Variants in FJX1 observed in about 807,000 individuals in gnomAD.
FJX1 encodes the protein four-jointed box kinase 1, also known as four-jointed box protein 1.
A neutral mutation model predicts 28.7 loss-of-function variants in FJX1; 21 were observed. The ratio of observed to expected loss-of-function variants is 0.73; its 90% CI spans 0.52 to 1.05. The LOEUF (loss-of-function observed/expected upper bound fraction) is 1.05, where lower values mean the gene tolerates loss of function less well. FJX1 is among the 50% of genes least tolerant of loss of function. FJX1 has a pLI of 0.00. For missense variants in FJX1, 683 were observed against 647.2 expected (o/e 1.06, Z -0.60); for synonymous variants, 363 against 310.0 (o/e 1.17, Z -1.80).
rs778474284 is a variant in FJX1 at position 35,619,499 on chromosome 11, A to T, written c.863A>T (p.Gln288Leu). ...CAGGCGGAGCTGGTGGACCTAGTAC[A>T]ATGGACCGACTTAATCCTTTTCGAC... is the stretch of plus-strand genomic sequence containing the variant. The part of the protein sequence containing the change: ...LSQAELVDLV[Q>L]WTDLILFDYL... Residue 288 changes from glutamine to leucine, a missense_variant, in exon 1 of 1, where the codon CAA (glutamine) becomes CTA (leucine). Physicochemically the swap from Gln to Leu is moderately radical, Grantham distance 113 (BLOSUM62 -2). Transcript: ENST00000317811. This position sits in a 1 kb window ranked among gnomAD's most constrained non-coding sequence, Gnocchi z 7.6. 6.3e-7 allele frequency: 1 copy of T among 1,599,520 alleles called. No homozygotes were observed. The highest frequency in any genetic ancestry group is 2.2e-5 in the East Asian group (1 of 44,850).
chr11:35,619,374 G>A lies in FJX1; in HGVS notation c.738G>A (p.Leu246=), dbSNP rs751352263. The change falls in exon 1 of 1, where the codon CTG becomes CTA. Residue 246 remains leucine, a synonymous_variant. Coordinates refer to ENST00000317811, the MANE Select transcript of FJX1 (RefSeq NM_014344.4). This position sits in a 1 kb window ranked among gnomAD's most constrained non-coding sequence, Gnocchi z 7.6. ...GCGTGGTGAGCCTGACACGCTGGCT[G>A]CCCAACCTCACGGACGTGGTGGTGC... is the stretch of plus-strand genomic sequence containing the variant. ...EGSVVSLTRW[L]PNLTDVVVPA... is the part of the protein sequence containing the mutation. 7 of 1,591,354 alleles carry A rather than the reference G, an allele frequency of 4.4e-6. No homozygotes were observed. The African/African-American group carries it at 8.0e-5, about 18-fold the overall frequency.
rs532198178 is a variant in FJX1, at chr11:35,619,028, A to G, written c.392A>G (p.Gln131Arg). The G allele has an allele frequency of 1.0e-3, 1,507 of 1,467,680 alleles. 16 individuals carry two copies. In the African/African-American group the frequency reaches 0.021, roughly 20 times the overall value. The allele number at this position is 1,467,680 out of a possible 1,614,324, so 90.9% of individuals were successfully genotyped here. ...GVFWSRGLEE[Q>R]VPPGFSEAQA... ...TTCTGGAGCCGCGGCCTGGAGGAGC[A>G]GGTGCCCCCGGGCTTTTCGGAGGCC... The change falls in exon 1 of 1, where the codon CAG becomes CGG. Residue 131 changes from glutamine (Q) to arginine (R), a missense_variant. Coordinates refer to ENST00000317811, the MANE Select transcript of FJX1 (RefSeq NM_014344.4). The surrounding 1 kb of genome is among the most constrained non-coding windows in gnomAD (Gnocchi z 7.6).
chr11:35,618,712 T>C lies in FJX1; in HGVS notation c.76T>C (p.Trp26Arg). The C allele has an allele frequency of 5.6e-6, 7 of 1,250,486 alleles. No individual in the cohort carries two copies. Among genetic ancestry groups the C allele is most frequent in the Non-Finnish European group, 7.1e-6 (7 of 985,502 alleles). The allele number at this position is 1,250,486 out of a possible 1,614,324, so 77.5% of individuals were successfully genotyped here. Residue 26 changes from tryptophan (W) to arginine (R), a missense_variant, in exon 1 of 1, where the codon TGG (tryptophan) becomes CGG (arginine). By Grantham distance (101) the Trp-to-Arg change is moderately radical. Transcript: ENST00000317811. This position sits in a 1 kb window ranked among gnomAD's most constrained non-coding sequence, Gnocchi z 4.2. ...LLALGSLLAL[W>R]GGLLPPRTEL... ...GGCGCTGGGCTCGCTGCTGGCGCTG[T>C]GGGGAGGGCTCCTGCCGCCGCGGAC...
chr11:35,619,548 G>A lies in FJX1; in HGVS notation c.912G>A (p.Arg304=), dbSNP rs1262244837. ...ACTACCTGACGGCCAACTTCGACCG[G>A]CTCGTAAGCAACCTCTTCAGCCTGC... ...LFDYLTANFD[R]LVSNLFSLQW... The change falls in exon 1 of 1, where the codon CGG becomes CGA. Residue 304 remains arginine (R), a synonymous_variant. Coordinates refer to ENST00000317811, the MANE Select transcript of FJX1 (RefSeq NM_014344.4). The surrounding 1 kb of genome is among the most constrained non-coding windows in gnomAD (Gnocchi z 7.6). 1 of 1,601,704 alleles carries A rather than the reference G, an allele frequency of 6.2e-7. No individual in the cohort carries two copies. Among genetic ancestry groups the A allele is most frequent in the East Asian group, 2.2e-5 (1 of 44,870 alleles).
rs1025513674 is a variant in FJX1, at chr11:35,620,112, A to T, written c.*162A>T. 2 of 1,089,186 alleles carry T rather than the reference A, an allele frequency of 1.8e-6. No homozygotes were observed. Among genetic ancestry groups the T allele is most frequent in the Non-Finnish European group, 2.6e-6 (2 of 762,176 alleles). 67.5% of individuals were successfully genotyped at this position (1,089,186 alleles called of 1,614,324 possible). ...CCACCTGCCCCTTTCTTTCAATCCC[A>T]CGCTGTTTCCTTTCAAAGTTCTGGG... On this transcript the variant is annotated 3_prime_UTR_variant, in exon 1 of 1. Coordinates refer to ENST00000317811, the MANE Select transcript of FJX1 (RefSeq NM_014344.4).
Position 35,619,032 on chromosome 11 carries a change from G to GC in FJX1, c.401dup (p.Phe136LeufsTer139). 6.8e-7 allele frequency: 1 copy of GC among 1,464,604 alleles called. No individual in the cohort carries two copies. The allele number at this position is 1,464,604 out of a possible 1,614,324, so 90.7% of individuals were successfully genotyped here. A position where few individuals can be genotyped will look rare whatever the true frequency, so the allele number is the denominator to read the frequency against. ...GGAGCCGCGGCCTGGAGGAGCAGGTGCCCCCGGGCTTTTCGGAGGCCCAGG... is the reference window on the plus strand; with the variant it reads ...GGAGCCGCGGCCTGGAGGAGCAGGTGCCCCCCGGGCTTTTCGGAGGCCCAGG... On this transcript the variant is annotated frameshift_variant, in exon 1 of 1. Transcript: ENST00000317811. LOFTEE classifies it high-confidence loss of function. This position sits in a 1 kb window ranked among gnomAD's most constrained non-coding sequence, Gnocchi z 7.6.
At position 35,618,805 on chromosome 11, in the gene FJX1, G is replaced by A; in HGVS notation, c.169G>A (p.Ala57Thr). Residue 57 changes from alanine (A) to threonine (T), a missense_variant, in exon 1 of 1, where the codon GCG becomes ACG. Physicochemically the swap from Ala to Thr is moderately conservative, Grantham distance 58. Coordinates refer to ENST00000317811, the MANE Select transcript of FJX1 (RefSeq NM_014344.4). This position sits in a 1 kb window ranked among gnomAD's most constrained non-coding sequence, Gnocchi z 4.2. Reference sequence around the variant, plus strand: ...GCGCCCGGCCCGGAGCGGCGGCCCCGCGCCCGCGCCTCGCTTCCCTCTGCC... The same window carrying A: ...GCGCCCGGCCCGGAGCGGCGGCCCCACGCCCGCGCCTCGCTTCCCTCTGCC... ...PRRPARSGGPAPAPRFPLPPP... is the reference protein window; with the variant it reads ...PRRPARSGGPTPAPRFPLPPP... The A allele has an allele frequency of 1.6e-6, 2 of 1,256,520 alleles. No individual in the cohort carries two copies. Among genetic ancestry groups the A allele is most frequent in the Non-Finnish European group, 2.0e-6 (2 of 1,004,574 alleles). The allele number at this position is 1,256,520 out of a possible 1,614,324, so 77.8% of individuals were successfully genotyped here.
Position 35,619,426 on chromosome 11 carries a change from C to T in FJX1, c.790C>T (p.Arg264Cys). 2 of 1,597,994 alleles carry T rather than the reference C, an allele frequency of 1.3e-6. No homozygotes were observed. The highest frequency in any genetic ancestry group is 1.7e-6 in the Non-Finnish European group (2 of 1,179,394). ...VPAPWRSEDGRLRPLRDAGGE... is the reference protein window; with the variant it reads ...VPAPWRSEDGCLRPLRDAGGE... Reference sequence around the variant, plus strand: ...CGCGCCCTGGCGCTCGGAGGACGGCCGTCTGCGCCCCCTCCGGGATGCCGG... The same window carrying T: ...CGCGCCCTGGCGCTCGGAGGACGGCTGTCTGCGCCCCCTCCGGGATGCCGG... Residue 264 changes from arginine to cysteine, a missense_variant, in exon 1 of 1, where the codon CGT (arginine) becomes TGT (cysteine). By Grantham distance (180) the Arg-to-Cys change is radical. Coordinates refer to ENST00000317811, the MANE Select transcript of FJX1 (RefSeq NM_014344.4). The surrounding 1 kb of genome is among the most constrained non-coding windows in gnomAD (Gnocchi z 7.6).
Position 35,619,436 on chromosome 11 carries a change from C to G in FJX1, c.800C>G (p.Pro267Arg), listed in dbSNP as rs1283002526. 2.5e-6 allele frequency: 4 copies of G among 1,598,434 alleles called. No homozygotes were observed. Among genetic ancestry groups the G allele is most frequent in the East Asian group, 2.2e-5 (1 of 44,848 alleles). ...PWRSEDGRLRPLRDAGGELAN... is the reference protein window; with the variant it reads ...PWRSEDGRLRRLRDAGGELAN... Reference sequence around the variant, plus strand: ...CGCTCGGAGGACGGCCGTCTGCGCCCCCTCCGGGATGCCGGGGGTGAGCTG... The same window carrying G: ...CGCTCGGAGGACGGCCGTCTGCGCCGCCTCCGGGATGCCGGGGGTGAGCTG... Residue 267 changes from proline (P) to arginine (R), a missense_variant, in exon 1 of 1, where the codon CCC becomes CGC. Coordinates refer to ENST00000317811, the MANE Select transcript of FJX1 (RefSeq NM_014344.4). This position sits in a 1 kb window ranked among gnomAD's most constrained non-coding sequence, Gnocchi z 7.6.
In FJX1 at chr11:35,618,756, G is replaced by A. The variant is rs1184986; in HGVS notation, c.120G>A (p.Arg40=). ...LPPRTELPAS[R]PPEDRLPRRP... ...CGCGGACCGAGCTGCCCGCCTCCCG[G>A]CCGCCCGAAGACCGACTCCCACGGC... Residue 40 remains arginine (R), a synonymous_variant, in exon 1 of 1, where the codon CGG becomes CGA. Transcript: ENST00000317811. The surrounding 1 kb of genome is among the most constrained non-coding windows in gnomAD (Gnocchi z 4.2). 1.6e-6 allele frequency: 2 copies of A among 1,264,488 alleles called. No individual in the cohort carries two copies. Among genetic ancestry groups the A allele is most frequent in the Non-Finnish European group, 2.0e-6 (2 of 994,222 alleles). 78.3% of individuals were successfully genotyped at this position (1,264,488 alleles called of 1,614,324 possible).
In FJX1 at chr11:35,618,953, C is replaced by T; in HGVS notation, c.317C>T (p.Ser106Leu). The T allele has an allele frequency of 8.2e-6, 12 of 1,471,452 alleles. No individual in the cohort carries two copies. The highest frequency in any genetic ancestry group is 9.8e-6 in the Non-Finnish European group (11 of 1,119,624). 91.1% of individuals were successfully genotyped at this position (1,471,452 alleles called of 1,614,324 possible). Residue 106 changes from serine to leucine, a missense_variant, in exon 1 of 1, where the codon TCA (serine) becomes TTA (leucine). Coordinates refer to ENST00000317811, the MANE Select transcript of FJX1 (RefSeq NM_014344.4). This position sits in a 1 kb window ranked among gnomAD's most constrained non-coding sequence, Gnocchi z 4.2. The part of the protein sequence containing the change: ...QSRSEPRWHV[S>L]ARQPRPEESA... ...CGGAGCGAGCCCAGGTGGCACGTGT[C>T]AGCCAGGCAGCCCCGGCCGGAGGAG...
Position 35,618,723 on chromosome 11 carries a change from C to G in FJX1, c.87C>G (p.Leu29=). The change falls in exon 1 of 1, where the codon CTC becomes CTG. Residue 29 remains leucine (L), a synonymous_variant. Transcript: ENST00000317811. This position sits in a 1 kb window ranked among gnomAD's most constrained non-coding sequence, Gnocchi z 4.2. Reference sequence around the variant, plus strand: ...CGCTGCTGGCGCTGTGGGGAGGGCTCCTGCCGCCGCGGACCGAGCTGCCCG... The same window carrying G: ...CGCTGCTGGCGCTGTGGGGAGGGCTGCTGCCGCCGCGGACCGAGCTGCCCG... The part of the protein sequence containing the change: ...LGSLLALWGG[L]LPPRTELPAS... The G allele has an allele frequency of 8.0e-7, 1 of 1,255,726 alleles. No homozygotes were observed. Among genetic ancestry groups the G allele is most frequent in the Non-Finnish European group, 1.0e-6 (1 of 987,142 alleles). The allele number at this position is 1,255,726 out of a possible 1,614,324, so 77.8% of individuals were successfully genotyped here. A position where few individuals can be genotyped will look rare whatever the true frequency, so the allele number is the denominator to read the frequency against.
rs1041901861 is a variant in FJX1 at position 35,618,940 on chromosome 11, A to G, written c.304A>G (p.Arg102Gly). 14 of 1,466,914 alleles carry G rather than the reference A, an allele frequency of 9.5e-6. No individual in the cohort carries two copies. In the African/African-American group the frequency reaches 1.8e-4, roughly 19 times the overall value. The allele number at this position is 1,466,914 out of a possible 1,614,324, so 90.9% of individuals were successfully genotyped here. A position where few individuals can be genotyped will look rare whatever the true frequency, so the allele number is the denominator to read the frequency against. The change falls in exon 1 of 1, where the codon AGG (arginine) becomes GGG (glycine). Residue 102 changes from arginine to glycine, a missense_variant. Arg to Gly is a moderately radical substitution (Grantham distance 125). Transcript: ENST00000317811. The surrounding 1 kb of genome is among the most constrained non-coding windows in gnomAD (Gnocchi z 4.2). Reference protein sequence around the residue: ...GPPRQSRSEPRWHVSARQPRP... With the variant: ...GPPRQSRSEPGWHVSARQPRP... Reference sequence around the variant, plus strand: ...GCCCCGGCAGTCCCGGAGCGAGCCCAGGTGGCACGTGTCAGCCAGGCAGCC... The same window carrying G: ...GCCCCGGCAGTCCCGGAGCGAGCCCGGGTGGCACGTGTCAGCCAGGCAGCC...
Position 35,619,840 on chromosome 11 carries a change from C to T in FJX1, c.1204C>T (p.Leu402=). 1.3e-6 allele frequency: 2 copies of T among 1,553,424 alleles called. No homozygotes were observed. Among genetic ancestry groups the T allele is most frequent in the Non-Finnish European group, 1.7e-6 (2 of 1,148,908 alleles). The change falls in exon 1 of 1, where the codon CTG becomes TTG. Residue 402 remains leucine (L), a synonymous_variant. Coordinates refer to ENST00000317811, the MANE Select transcript of FJX1 (RefSeq NM_014344.4). This position sits in a 1 kb window ranked among gnomAD's most constrained non-coding sequence, Gnocchi z 7.6. ...GCGCCACGAGCCTCGCTTCCCCGAG[C>T]TGGCCGCCCTTGCAGACCCCCACGC... ...YRRHEPRFPE[L]AALADPHAQL...
At position 35,619,744 on chromosome 11, in the gene FJX1, C is replaced by G. The variant is rs750994924; in HGVS notation, c.1108C>G (p.Arg370Gly). The G allele has an allele frequency of 6.4e-6, 10 of 1,563,668 alleles. No individual in the cohort carries two copies. Among genetic ancestry groups the G allele is most frequent in the Non-Finnish European group, 8.7e-6 (10 of 1,155,676 alleles). ...GCAGTCAGTGTGCGTGTTCCGCGAG[C>G]GGACCGCGCGGCGCGTCCTGGAGCT... ...LLQSVCVFRE[R>G]TARRVLELHR... Residue 370 changes from arginine to glycine, a missense_variant, in exon 1 of 1, where the codon CGG becomes GGG. Arg to Gly is a moderately radical substitution (Grantham distance 125, BLOSUM62 -2). Coordinates refer to ENST00000317811, the MANE Select transcript of FJX1 (RefSeq NM_014344.4). The surrounding 1 kb of genome is among the most constrained non-coding windows in gnomAD (Gnocchi z 7.6).
Position 35,618,747 on chromosome 11 carries a change from C to T in FJX1, c.111C>T (p.Pro37=), listed in dbSNP as rs1001233177. 1.4e-4 allele frequency: 173 copies of T among 1,257,574 alleles called. 2 individuals are homozygous for T. The African/African-American group carries it at 2.6e-3, about 19-fold the overall frequency. The allele number at this position is 1,257,574 out of a possible 1,614,324, so 77.9% of individuals were successfully genotyped here. A position where few individuals can be genotyped will look rare whatever the true frequency, so the allele number is the denominator to read the frequency against. ...GGLLPPRTEL[P]ASRPPEDRLP... ...TCCTGCCGCCGCGGACCGAGCTGCC[C>T]GCCTCCCGGCCGCCCGAAGACCGAC... Residue 37 remains proline (P), a synonymous_variant, in exon 1 of 1, where the codon CCC becomes CCT. Coordinates refer to ENST00000317811, the MANE Select transcript of FJX1 (RefSeq NM_014344.4). This position sits in a 1 kb window ranked among gnomAD's most constrained non-coding sequence, Gnocchi z 4.2.
Position 35,619,807 on chromosome 11 carries a change from C to T in FJX1, c.1171C>T (p.Leu391Phe). The change falls in exon 1 of 1, where the codon CTC becomes TTC. Residue 391 changes from leucine (L) to phenylalanine (F), a missense_variant. Leu to Phe is a conservative substitution (Grantham distance 22). Transcript: ENST00000317811. The surrounding 1 kb of genome is among the most constrained non-coding windows in gnomAD (Gnocchi z 7.6). ...GGACGCCGCGGCCCGGCTGCTGCGC[C>T]TCTACCGGCGCCACGAGCCTCGCTT... ...GQDAAARLLR[L>F]YRRHEPRFPE... 2 of 1,550,622 alleles carry T rather than the reference C, an allele frequency of 1.3e-6. No individual in the cohort carries two copies. The highest frequency in any genetic ancestry group is 1.7e-6 in the Non-Finnish European group (2 of 1,147,590).
rs1355840164 is a variant in FJX1 at position 35,618,603 on chromosome 11, AGCG to A, written c.-24_-22del. 2 of 1,103,408 alleles carry A rather than the reference AGCG, an allele frequency of 1.8e-6. No homozygotes were observed. 68.4% of individuals were successfully genotyped at this position (1,103,408 alleles called of 1,614,324 possible). On this transcript the variant is annotated 5_prime_UTR_variant, in exon 1 of 1. Coordinates refer to ENST00000317811, the MANE Select transcript of FJX1 (RefSeq NM_014344.4). The surrounding 1 kb of genome is among the most constrained non-coding windows in gnomAD (Gnocchi z 4.2). ...ACCCGGGTGCCTGGGCTCGGCTTGA[AGCG>A]GCGGCGGCGCACCGGCACAGCCGCG...
At position 35,619,487 on chromosome 11, in the gene FJX1, T is replaced by G. The variant is rs751835841; in HGVS notation, c.851T>G (p.Val284Gly). The G allele has an allele frequency of 1.3e-6, 2 of 1,599,384 alleles. No homozygotes were observed. The highest frequency in any genetic ancestry group is 4.5e-5 in the East Asian group (2 of 44,852). Residue 284 changes from valine (V) to glycine (G), a missense_variant, in exon 1 of 1, where the codon GTG becomes GGG. By Grantham distance (109) the Val-to-Gly change is moderately radical. Coordinates refer to ENST00000317811, the MANE Select transcript of FJX1 (RefSeq NM_014344.4). The surrounding 1 kb of genome is among the most constrained non-coding windows in gnomAD (Gnocchi z 7.6). ...GCCAACCTCAGCCAGGCGGAGCTGG[T>G]GGACCTAGTACAATGGACCGACTTA... The part of the protein sequence containing the change: ...ELANLSQAEL[V>G]DLVQWTDLIL...
Sources: allele counts gnomAD v4.1 joint callset, GRCh38; gene constraint gnomAD v4.1.1; non-coding constraint Gnocchi (gnomAD v3.1); transcripts MANE v1.5; gene names NCBI Gene and HGNC (gene_info 2026-07-23, HGNC 2026-07-21).